Variants in XKR9 observed in about 807,000 individuals in gnomAD.
The protein encoded by XKR9 is XK related 9.
A neutral mutation model predicts 32.0 loss-of-function variants in XKR9; 32 were observed. That is an observed-to-expected ratio of 1.00 (90% CI 0.76 to 1.34). XKR9 has a LOEUF of 1.34. Among genes scored for constraint, XKR9 ranks in the 40% most tolerant of loss-of-function variants. The probability of loss-of-function intolerance (pLI) is 0.00; values close to 1 mark genes in which losing one functional copy is unlikely to be tolerated. For missense variants in XKR9, 546 were observed against 429.7 expected (o/e 1.27, Z -2.39); for synonymous variants, 168 against 143.4 (o/e 1.17, Z -1.22).
chr8:70,917,815 G>A, the XKR9 span, among the ~76,000 whole-genome samples: 4 of 152,128 alleles, frequency 2.6e-5, no homozygotes, highest in African/African-American at 7.2e-5. Flanking sequence ...AACTCACATT[G>A]AGCAAATTAC....
At chr8:70,696,097 A>C (rs1805264781) in intron 3 of XKR9, among the ~76,000 whole-genome samples, 1 of 150,234 alleles carries the variant, frequency 6.7e-6, no homozygotes. Context: ...TTGTCAGATG[A>C]GTAGGTTGCA....
At chr8:70,974,829 T>C in the XKR9 span, among the ~76,000 whole-genome samples, 4 of 152,242 alleles carry the variant, frequency 2.6e-5, no homozygotes, top group Admixed American at 2.0e-4. Context: ...TCTTCCACAA[T>C]GGTGGAACTA....
the XKR9 span, among the ~76,000 whole-genome samples, chr8:70,984,819 T>G: frequency 6.6e-6 from 1 of 152,176 alleles, no homozygotes; most frequent in Non-Finnish European, 1.5e-5. Flanking sequence ...GGCTTTAAAA[T>G]AAGAATTATA....
the XKR9 span, among the ~76,000 whole-genome samples, chr8:70,991,918 T>G: frequency 0.014 from 1 of 72 alleles, no homozygotes; most frequent in African/African-American, 0.038. Context: ...TGTTACCTGT[T>G]GACTTCTCCC....
chr8:70,889,355 T>C, the XKR9 span, among the ~76,000 whole-genome samples: 2 of 151,766 alleles, frequency 1.3e-5, no homozygotes, highest in African/African-American at 4.8e-5. Context: ...GGTTGGAGCT[T>C]TTTTCCTTCA....
chr8:70,822,963 C>T, the XKR9 span, among the ~76,000 whole-genome samples: 1 of 152,192 alleles, frequency 6.6e-6, no homozygotes, highest in East Asian at 1.9e-4. Flanking sequence ...CATAACACTT[C>T]ATCCATTTGA....
chr8:70,888,626 T>C, the XKR9 span, among the ~76,000 whole-genome samples: 1 of 152,096 alleles, frequency 6.6e-6, no homozygotes, highest in African/African-American at 2.4e-5. Context: ...ATTTGATTTT[T>C]ATATATCGTG....
At chr8:70,832,477 A>C in the XKR9 span, among the ~76,000 whole-genome samples, 1 of 152,334 alleles carries the variant, frequency 6.6e-6, no homozygotes, top group East Asian at 1.9e-4. Flanking sequence ...GAAGGGGAAG[A>C]CTTTACTTAC....
the XKR9 span, among the ~76,000 whole-genome samples, chr8:70,808,128 C>G: frequency 6.6e-6 from 1 of 152,122 alleles, no homozygotes; most frequent in Non-Finnish European, 1.5e-5. Flanking sequence ...CAAAACCACA[C>G]AATTATAGGG....
chr8:70,915,814 G>A, the XKR9 span, among the ~76,000 whole-genome samples: 2,622 of 152,214 alleles, frequency 0.017, 35 homozygotes, highest in South Asian at 0.031. Flanking sequence ...CTGAAAAGCC[G>A]CCTTTTGTGG....
chr8:70,968,539 T>A, the XKR9 span, among the ~76,000 whole-genome samples: 1 of 148,986 alleles, frequency 6.7e-6, no homozygotes, highest in East Asian at 1.9e-4. Flanking sequence ...GTTTTTAGCA[T>A]TTTTGCATTG....
the XKR9 span, among the ~76,000 whole-genome samples, chr8:70,960,725 A>T: frequency 6.6e-6 from 1 of 151,626 alleles, no homozygotes; most frequent in East Asian, 1.9e-4. Context: ...AAAAAAAAAT[A>T]GCTGAATGTA....
the XKR9 span, among the ~76,000 whole-genome samples, chr8:70,982,974 G>C: frequency 8.5e-5 from 13 of 152,180 alleles, no homozygotes; most frequent in African/African-American, 3.1e-4. Context: ...TGCACGTTAG[G>C]TTGTCAGCTG....
At chr8:70,739,332 C>G (rs1806924002), downstream of XKR9, among the ~76,000 whole-genome samples, 2 of 152,288 alleles carry the variant, frequency 1.3e-5, no homozygotes, top group Admixed American at 6.5e-5. Context: ...ACATCTTCCT[C>G]CATCCTTTTA....
chr8:70,971,557 T>A, the XKR9 span, among the ~76,000 whole-genome samples: 1 of 152,178 alleles, frequency 6.6e-6, no homozygotes, highest in Non-Finnish European at 1.5e-5. Context: ...CTAGAAGTGT[T>A]TTTCTGATGT....
At chr8:70,818,986 G>A in the XKR9 span, among the ~76,000 whole-genome samples, 2 of 152,160 alleles carry the variant, frequency 1.3e-5, no homozygotes, top group Non-Finnish European at 2.9e-5. Flanking sequence ...TGCCTCTAAG[G>A]ACTGCACTGA....
chr8:70,688,184 G>A (rs1819372398), intron 3 of XKR9, among the ~76,000 whole-genome samples: 1 of 152,302 alleles, frequency 6.6e-6, no homozygotes. Flanking sequence ...TGTGGAAGTG[G>A]TGGTCAAATC....
the XKR9 span, among the ~76,000 whole-genome samples, chr8:70,804,565 G>A: frequency 6.6e-6 from 1 of 152,108 alleles, no homozygotes; most frequent in Admixed American, 6.5e-5. Flanking sequence ...CTGGGAAACA[G>A]GTTGGAAAAT....
intron 2 of XKR9, among the ~76,000 whole-genome samples, chr8:70,758,144 T>C (rs1340267731): frequency 6.6e-6 from 1 of 152,168 alleles, no homozygotes; most frequent in African/African-American, 2.4e-5. Context: ...ATTATTATAG[T>C]AAAGTCTCTC....
Sources: gnomAD v4.1 joint callset for allele counts (sites outside exome capture counted in the v4.1 genomes callset) on GRCh38, gnomAD v4.1.1 for gene constraint, MANE v1.5 for transcripts, NCBI Gene and HGNC (gene_info 2026-07-23, HGNC 2026-07-21) for gene names.